The following DDX10 variants were observed in gnomAD, a reference collection of about 807,000 sequenced individuals.
The protein encoded by DDX10 is DEAD-box helicase 10.
In DDX10, 74 loss-of-function variants were observed where a neutral mutation model predicts 104.3. The ratio of observed to expected loss-of-function variants is 0.71; its 90% confidence interval spans 0.59 to 0.86. The LOEUF (loss-of-function observed/expected upper bound fraction) is 0.86. DDX10 is among the 40% of genes least tolerant of loss of function. The pLI is 0.00. For missense variants in DDX10, 952 were observed against 1,040.0 expected, an observed-to-expected ratio of 0.92 and a Z score of 1.16; for synonymous variants, 351 against 353.4, an observed-to-expected ratio of 0.99 and a Z score of 0.08.
Position 108,933,194 on chromosome 11 carries a change from A to G in DDX10, c.2451-7052A>G, listed in dbSNP as rs527743938. 3.9e-5 allele frequency among the ~76,000 whole-genome samples: 6 copies of G among 152,054 alleles called. 1 individual carries two copies. Among genetic ancestry groups the G allele is most frequent in the African/African-American group, 1.5e-4 (6 of 41,348 alleles). On this transcript the variant is annotated intron_variant, in intron 17 of 17. Transcript: ENST00000322536. ...CATTAATGGAAAGTTATTAAGAAGG[A>G]ACATCAGGGTTGTGGAGGATTCTGG...
At chr11:108,914,928 G>A (rs1479669851) in intron 16 of DDX10, among the ~76,000 whole-genome samples, 1 of 151,444 alleles carries the variant, frequency 6.6e-6, no homozygotes, top group African/African-American at 2.4e-5. Flanking sequence ...GTTTGGCATT[G>A]TCAGAAGAAA....
intron 13 of DDX10, among the ~76,000 whole-genome samples, chr11:108,766,810 G>A (rs777058635): frequency 1.3e-5 from 2 of 152,162 alleles, no homozygotes; most frequent in Non-Finnish European, 2.9e-5. Context: ...GACTGACTGA[G>A]TGAATGAGTA....
chr11:108,753,961 T>C (rs946157391), intron 13 of DDX10, among the ~76,000 whole-genome samples: 8 of 152,038 alleles, frequency 5.3e-5, no homozygotes, highest in African/African-American at 1.9e-4. Flanking sequence ...TTACATTTAT[T>C]ATTGGCTGTC....
Position 108,940,262 on chromosome 11 carries a change from C to T in DDX10, c.2467C>T (p.Gln823Ter). 1 of 1,613,612 alleles carries T rather than the reference C, an allele frequency of 6.2e-7. No individual in the cohort carries two copies. Among genetic ancestry groups the T allele is most frequent in the Non-Finnish European group, 8.5e-7 (1 of 1,179,882 alleles). Residue 823 changes from glutamine (Q) to a stop codon, truncating the protein, a stop_gained, in exon 18 of 18, where the codon CAG (glutamine) becomes TAG (stop). Transcript: ENST00000322536. LOFTEE classifies it high-confidence loss of function. ...ENKISDTKKKQGMKKRSNSEV... is the reference protein window; with the variant it reads ...ENKISDTKKK ...TCTCACCAGTGATACCAAGAAGAAG[C>T]AGGGGATGAAGAAGAGGAGCAACAG...
intron 10 of DDX10, 26 bp downstream of exon 10, chr11:108,706,863 T>C (rs1200134048): frequency 6.9e-6 from 11 of 1,587,484 alleles, no homozygotes; most frequent in East Asian, 2.2e-5. Flanking sequence ...TGTCTTTATG[T>C]TTTTAGGAAA....
chr11:108,825,886 T>C (rs1032203037), intron 13 of DDX10, among the ~76,000 whole-genome samples: 5 of 152,182 alleles, frequency 3.3e-5, no homozygotes, highest in African/African-American at 1.2e-4. Context: ...TGATAGGAAA[T>C]GTAGGCAGTC....
At chr11:108,805,092 A>G (rs767802724) in intron 13 of DDX10, among the ~76,000 whole-genome samples, 1 of 152,218 alleles carries the variant, frequency 6.6e-6, no homozygotes, top group South Asian at 2.1e-4. Flanking sequence ...CACAGGCAAG[A>G]TGGAAATAAA....
chr11:108,740,131 A>G (rs1591806012), intron 13 of DDX10, among the ~76,000 whole-genome samples: 3 of 151,636 alleles, frequency 2.0e-5, no homozygotes, highest in Admixed American at 2.0e-4. Flanking sequence ...ACCCTCACTC[A>G]CCTTCCTGTC....
At chr11:108,935,029 C>T (rs1012878699) in intron 17 of DDX10, among the ~76,000 whole-genome samples, 4 of 152,094 alleles carry the variant, frequency 2.6e-5, no homozygotes, top group Non-Finnish European at 5.9e-5. Context: ...CAACCCTAAC[C>T]GTCATTATTT....
chr11:108,754,830 C>T (rs2094342640), intron 13 of DDX10, among the ~76,000 whole-genome samples: 1 of 152,010 alleles, frequency 6.6e-6, no homozygotes, highest in Admixed American at 6.6e-5. Context: ...ACTGGATGGG[C>T]AACCAGGAGC....
chr11:108,746,751 T>C (rs1163504636), intron 13 of DDX10, among the ~76,000 whole-genome samples: 9 of 152,114 alleles, frequency 5.9e-5, no homozygotes, highest in Admixed American at 4.6e-4. Context: ...GCCATCTCAC[T>C]AGATAGGAAA....
chr11:108,672,402 G>T (rs746780850), intron 1 of DDX10, among the ~76,000 whole-genome samples: 1 of 152,178 alleles, frequency 6.6e-6, no homozygotes, highest in South Asian at 2.1e-4. Context: ...TCTAATTGAG[G>T]TTCCTTGCTG....
chr11:108,871,062 A>G (rs1357552190), intron 16 of DDX10, among the ~76,000 whole-genome samples: 1 of 152,246 alleles, frequency 6.6e-6, no homozygotes, highest in Non-Finnish European at 1.5e-5. Context: ...GCTAGAAAGC[A>G]ATGTTACTGG....
intron 13 of DDX10, among the ~76,000 whole-genome samples, chr11:108,791,794 A>C (rs1325125328): frequency 6.6e-6 from 1 of 152,148 alleles, no homozygotes; most frequent in Non-Finnish European, 1.5e-5. Flanking sequence ...ATTTCTTTTG[A>C]GTAAATGCTA....
chr11:108,835,367 C>A (rs1206154679), intron 13 of DDX10, among the ~76,000 whole-genome samples: 2 of 151,934 alleles, frequency 1.3e-5, no homozygotes, highest in African/African-American at 4.8e-5. Flanking sequence ...AGTCACGGAC[C>A]CCTGGGAGGT....
chr11:108,847,427 T>C (rs1329864416), intron 15 of DDX10, among the ~76,000 whole-genome samples: 2 of 152,202 alleles, frequency 1.3e-5, no homozygotes, highest in Non-Finnish European at 2.9e-5. Context: ...AGCTCTTTCA[T>C]TCCCTTGAAA....
intron 13 of DDX10, chr11:108,767,521 T>C (rs2134522515): frequency 6.6e-6 from 1 of 152,332 alleles, no homozygotes; most frequent in African/African-American, 2.4e-5. Context: ...TGTCTCCTCT[T>C]AGTTTTCAGT....
In DDX10 at chr11:108,839,708, G is replaced by A. The variant is rs552407955; in HGVS notation, c.2085+1143G>A. Among the ~76,000 whole-genome samples the A allele has an allele frequency of 8.5e-5, 13 of 152,266 alleles. No individual in the cohort carries two copies. In the Middle Eastern group the frequency reaches 0.01, roughly 120 times the overall value. On this transcript the variant is annotated intron_variant, in intron 14 of 17. Coordinates refer to ENST00000322536, the MANE Select transcript of DDX10 (RefSeq NM_004398.4). The stretch of plus-strand genomic sequence containing the variant: ...AAATCAGACGAAAAGTCACAAAATC[G>A]TGTGCCATTCAAAGGTGGTGGAAGT...
At chr11:108,855,603 G>T (rs561124724) in intron 16 of DDX10, among the ~76,000 whole-genome samples, 1 of 152,054 alleles carries the variant, frequency 6.6e-6, no homozygotes, top group African/African-American at 2.4e-5. Context: ...GGGACTACAC[G>T]CATGTGCCAC....
Sources: gnomAD v4.1 joint callset for allele counts (sites outside exome capture counted in the v4.1 genomes callset) on GRCh38, gnomAD v4.1.1 for gene constraint, MANE v1.5 for transcripts, NCBI Gene and HGNC (gene_info 2026-07-23, HGNC 2026-07-21) for gene names.